The following IL1RAPL2 variants were observed in gnomAD, a reference collection of about 807,000 sequenced individuals.
IL1RAPL2 encodes the protein interleukin 1 receptor accessory protein like 2, also known as X-linked interleukin-1 receptor accessory protein-like 2.
Under a neutral mutation model 44.1 loss-of-function variants are expected in IL1RAPL2, and 3 were observed. The ratio of observed to expected loss-of-function variants is 0.07; its 90% confidence interval spans 0.03 to 0.18. IL1RAPL2 has a LOEUF of 0.18. Ranked by LOEUF, IL1RAPL2 falls within the 10% of genes least tolerant of loss-of-function variation. The probability of loss-of-function intolerance (pLI) is 1.00; values close to 1 mark genes in which losing one functional copy is unlikely to be tolerated. For missense variants in IL1RAPL2, 391 were observed against 496.4 expected (o/e 0.79, Z 2.02); for synonymous variants, 181 against 178.8 (o/e 1.01, Z -0.10).
At chrX:104,582,566 CTCTTTCTTTCTTTTTCTT>C (rs1381385239) in intron 1 of IL1RAPL2, among the ~76,000 whole-genome samples, 13 of 90,380 alleles carry the variant, frequency 1.4e-4, no homozygotes, top group African/African-American at 3.6e-4. Context: ...CTCCTTTCTC[CTCTTTCTTTCTTTTTCTT>C]TCTTTCTTTC....
At chrX:104,936,439 G>A (rs765490023) in intron 2 of IL1RAPL2, among the ~76,000 whole-genome samples, 4 of 110,798 alleles carry the variant, frequency 3.6e-5, no homozygotes, top group African/African-American at 6.6e-5. Flanking sequence ...GGTCAAAAAT[G>A]CTTGAGAAAC....
At chrX:105,630,927 G>A (rs917259773) in intron 6 of IL1RAPL2, among the ~76,000 whole-genome samples, 1 of 110,746 alleles carries the variant, frequency 9.0e-6, no homozygotes, top group Non-Finnish European at 1.9e-5. Flanking sequence ...TAAGTGATGA[G>A]GATAACTAAA....
At chrX:104,581,457 C>A (rs1928344085) in intron 1 of IL1RAPL2, among the ~76,000 whole-genome samples, 1 of 111,813 alleles carries the variant, frequency 8.9e-6, no homozygotes, top group South Asian at 3.8e-4. Context: ...CTTCTAATCT[C>A]TTCATATGGT....
At chrX:104,881,570 T>G (rs992077099) in intron 2 of IL1RAPL2, among the ~76,000 whole-genome samples, 17 of 112,340 alleles carry the variant, frequency 1.5e-4, no homozygotes, top group African/African-American at 5.5e-4. Context: ...TATAGGTAAA[T>G]GCAGGTGCCA....
At chrX:105,729,931 GGGAGGGAA>G (rs1161203092) in intron 7 of IL1RAPL2, among the ~76,000 whole-genome samples, 1 of 80,948 alleles carries the variant, frequency 1.2e-5, no homozygotes, top group Non-Finnish European at 2.4e-5. Flanking sequence ...GAGGGAGGGA[GGGAGGGAA>G]GGAAGGAAGG....
intron 2 of IL1RAPL2, among the ~76,000 whole-genome samples, chrX:104,896,824 G>A (rs1053840698): frequency 2.7e-5 from 3 of 111,174 alleles, no homozygotes; most frequent in Non-Finnish European, 3.8e-5. Flanking sequence ...CACTCACTGC[G>A]AAGGTCTGCA....
At chrX:104,689,093 A>C (rs1312641556) in intron 2 of IL1RAPL2, among the ~76,000 whole-genome samples, 3 of 111,619 alleles carry the variant, frequency 2.7e-5, no homozygotes, top group Non-Finnish European at 5.6e-5. Flanking sequence ...AAATCCAAAA[A>C]CCAACGTATA....
chrX:104,850,573 T>G (rs1569326535), intron 2 of IL1RAPL2, among the ~76,000 whole-genome samples: 1 of 111,921 alleles, frequency 8.9e-6, no homozygotes, highest in Non-Finnish European at 1.9e-5. Flanking sequence ...TTTAATTAAC[T>G]ATTTCATTGC....
chrX:104,976,570 A>T (rs1201520357), intron 2 of IL1RAPL2, among the ~76,000 whole-genome samples: 1 of 111,982 alleles, frequency 8.9e-6, no homozygotes, highest in African/African-American at 3.2e-5. Flanking sequence ...TTCCTCTAGG[A>T]TGGGCCTCCA....
chrX:104,609,735 T>C (rs1929108810), intron 1 of IL1RAPL2, among the ~76,000 whole-genome samples: 1 of 112,116 alleles, frequency 8.9e-6, no homozygotes, highest in Admixed American at 9.5e-5. Flanking sequence ...CTGGTTATTC[T>C]AGTTAGCCAT....
At chrX:105,194,157 C>T (rs1047314976) in intron 2 of IL1RAPL2, among the ~76,000 whole-genome samples, 1 of 112,040 alleles carries the variant, frequency 8.9e-6, no homozygotes, top group Non-Finnish European at 1.9e-5. Context: ...TCAATAATCC[C>T]TCATATAGAG....
intron 6 of IL1RAPL2, among the ~76,000 whole-genome samples, chrX:105,641,208 T>C (rs1244540479): frequency 1.2e-4 from 1 of 8,528 alleles, no homozygotes; most frequent in Non-Finnish European, 1.9e-4. Context: ...GCTTTTTATT[T>C]TATTTTATTT....
chrX:105,308,721 G>T (rs2034771575), intron 5 of IL1RAPL2, among the ~76,000 whole-genome samples: 1 of 112,251 alleles, frequency 8.9e-6, no homozygotes, highest in African/African-American at 3.2e-5. Context: ...TCTAATTTTG[G>T]ATAATTATGA....
chrX:105,169,492 CTT>C (rs748101220), intron 2 of IL1RAPL2, among the ~76,000 whole-genome samples: 2 of 41,587 alleles, frequency 4.8e-5, no homozygotes, highest in African/African-American at 2.8e-4. Flanking sequence ...TTCTTTCTTT[CTT>C]TTTTTTTTTT....
intron 2 of IL1RAPL2, among the ~76,000 whole-genome samples, chrX:104,850,225 C>T (rs1383465159): frequency 9.1e-6 from 1 of 109,576 alleles, no homozygotes; most frequent in Non-Finnish European, 1.9e-5. Context: ...TTAAAAAAAC[C>T]TCTTTTTATT....
chrX:105,665,342 T>TGA (rs1556377778), intron 6 of IL1RAPL2, among the ~76,000 whole-genome samples: 23 of 98,384 alleles, frequency 2.3e-4, no homozygotes, highest in Non-Finnish European at 3.4e-4. Context: ...TTTATGCGCG[T>TGA]GCGTGTGTGT....
intron 4 of IL1RAPL2, among the ~76,000 whole-genome samples, chrX:105,259,382 A>T (rs1003564374): frequency 2.7e-5 from 3 of 111,321 alleles, no homozygotes; most frequent in Non-Finnish European, 5.7e-5. Context: ...TGTAGATTGC[A>T]ACTTGGCACT....
At chrX:104,754,729 CT>C in intron 2 of IL1RAPL2, among the ~76,000 whole-genome samples, 1 of 111,843 alleles carries the variant, frequency 8.9e-6, no homozygotes, top group South Asian at 3.7e-4. Flanking sequence ...CAGTTTAGCA[CT>C]TATAATGTGT....
chrX:105,042,133 A>C (rs1444290073), intron 2 of IL1RAPL2, among the ~76,000 whole-genome samples: 1 of 111,272 alleles, frequency 9.0e-6, no homozygotes. Flanking sequence ...CCTAGAAGAA[A>C]ACCTAGGCAA....
Sources: allele counts gnomAD v4.1 joint callset (sites outside exome capture counted in the v4.1 genomes callset), GRCh38; gene constraint gnomAD v4.1.1; transcripts MANE v1.5; gene names NCBI Gene and HGNC (gene_info 2026-07-23, HGNC 2026-07-21).